The following PCDH15 variants were observed in gnomAD, a reference collection of about 807,000 sequenced individuals.
PCDH15 encodes the protein protocadherin related 15.
A neutral mutation model predicts 178.5 loss-of-function variants in PCDH15; 129 were observed. That is an observed-to-expected ratio of 0.72 (90% CI 0.63 to 0.84). The LOEUF (loss-of-function observed/expected upper bound fraction) is 0.84. Among genes scored for constraint, PCDH15 ranks in the 40% least tolerant of loss-of-function variants. The pLI is 0.00. For missense variants in PCDH15, 2,230 were observed against 2,099.9 expected, an observed-to-expected ratio of 1.06 and a Z score of -1.21; for synonymous variants, 800 against 732.0, an observed-to-expected ratio of 1.09 and a Z score of -1.50.
intron 1 of PCDH15, among the ~76,000 whole-genome samples, chr10:55,293,414 C>G (rs1433899108): frequency 2.0e-5 from 3 of 152,234 alleles, no homozygotes; most frequent in Non-Finnish European, 4.4e-5. Flanking sequence ...ACATTCAACT[C>G]CGTCTTACTT....
At chr10:54,691,064 A>G (rs1272706193) in intron 1 of PCDH15, among the ~76,000 whole-genome samples, 4 of 152,174 alleles carry the variant, frequency 2.6e-5, no homozygotes, top group African/African-American at 7.2e-5. Context: ...AGAGGAAAAT[A>G]TGTTTTAATT....
chr10:54,210,577 T>C (rs915509440), intron 10 of PCDH15, among the ~76,000 whole-genome samples: 3 of 152,062 alleles, frequency 2.0e-5, no homozygotes, highest in Non-Finnish European at 4.4e-5. Context: ...GTCTTCTTAG[T>C]TAAAAACTGA....
At chr10:55,016,871 T>C (rs1293940859) in intron 2 of PCDH15, among the ~76,000 whole-genome samples, 1 of 152,138 alleles carries the variant, frequency 6.6e-6, no homozygotes, top group Non-Finnish European at 1.5e-5. Flanking sequence ...ATAAACTCCT[T>C]CTAATCATAT....
chr10:53,890,161 C>T (rs904457287), intron 26 of PCDH15, among the ~76,000 whole-genome samples: 2 of 152,242 alleles, frequency 1.3e-5, no homozygotes, highest in African/African-American at 4.8e-5. Flanking sequence ...GGCACAGTGG[C>T]TCATGCCTGT....
rs1183153628 is a variant in PCDH15 at position 54,752,517 on chromosome 10, C to CAAAAAA, written c.-29+48407_-29+48408insTTTTTT. Among the ~76,000 whole-genome samples the CAAAAAA allele has an allele frequency of 4.7e-5, 4 of 85,624 alleles. No individual in the cohort carries two copies. The South Asian group carries it at 1.1e-3, about 25-fold the overall frequency. 56.2% of individuals were successfully genotyped at this position (85,624 alleles called of 152,430 possible). The stretch of plus-strand genomic sequence containing the variant: ...CAAAAAACAAAAAACAAAAAACAAA[C>CAAAAAA]AAACAAACAAACAAAAAAAAACAAT... On this transcript the variant is annotated intron_variant, in intron 1 of 37. Transcript: ENST00000644397.
At chr10:54,846,198 T>C (rs1840337) in intron 3 of PCDH15, among the ~76,000 whole-genome samples, 151,673 of 152,226 alleles carry the variant, frequency 1, 75,565 homozygotes, top group Middle Eastern at 1. Context: ...GAAAATAATG[T>C]TTCAATGTAA....
intron 26 of PCDH15, among the ~76,000 whole-genome samples, chr10:53,867,201 A>C (rs562331465): frequency 6.6e-6 from 1 of 151,966 alleles, no homozygotes; most frequent in African/African-American, 2.4e-5. Context: ...TTATGAGATC[A>C]CCTTTTTTTT....
intron 2 of PCDH15, among the ~76,000 whole-genome samples, chr10:55,498,755 TCC>T (rs1454485742): frequency 2.0e-5 from 3 of 151,796 alleles, no homozygotes; most frequent in Non-Finnish European, 4.4e-5. Context: ...TAAAATAGCC[TCC>T]CAAACTCCTA....
chr10:54,216,239 T>A (rs947233332), intron 9 of PCDH15, among the ~76,000 whole-genome samples: 2 of 151,934 alleles, frequency 1.3e-5, no homozygotes, highest in Non-Finnish European at 2.9e-5. Flanking sequence ...GCAGATCATC[T>A]GAGGTTAGGA....
intron 33 of PCDH15, among the ~76,000 whole-genome samples, chr10:53,819,601 C>A (rs2076183799): frequency 6.6e-6 from 1 of 151,858 alleles, no homozygotes; most frequent in South Asian, 2.1e-4. Context: ...ACAATAAGGA[C>A]AAATGTTTGG....
At chr10:54,753,985 TTTATTA>T (rs1946712194) in intron 1 of PCDH15, among the ~76,000 whole-genome samples, 3 of 125,152 alleles carry the variant, frequency 2.4e-5, no homozygotes, top group African/African-American at 8.7e-5. Context: ...ATTTTTTTTT[TTTATTA>T]TTATTATTTT....
chr10:55,159,230 G>A (rs1439884266), intron 2 of PCDH15, among the ~76,000 whole-genome samples: 1 of 151,484 alleles, frequency 6.6e-6, no homozygotes, highest in African/African-American at 2.4e-5. Context: ...CTGCTAATAT[G>A]GTTTCAAATG....
intron 2 of PCDH15, among the ~76,000 whole-genome samples, chr10:55,327,945 C>T (rs1164527143): frequency 6.6e-6 from 1 of 151,994 alleles, no homozygotes; most frequent in African/African-American, 2.4e-5. Context: ...GGATACAAAA[C>T]ATATGATTAC....
intron 1 of PCDH15, among the ~76,000 whole-genome samples, chr10:55,265,350 A>ATAT (rs1842261390): frequency 6.7e-6 from 1 of 149,806 alleles, no homozygotes; most frequent in African/African-American, 2.5e-5. Flanking sequence ...ATATCTCTAT[A>ATAT]ATAGATATAG....
chr10:55,402,418 T>C (rs537300399), intron 2 of PCDH15, among the ~76,000 whole-genome samples: 24 of 152,140 alleles, frequency 1.6e-4, no homozygotes, highest in Middle Eastern at 3.4e-3. Flanking sequence ...CAATATGTTG[T>C]TTTCAACTGT....
intron 28 of PCDH15, among the ~76,000 whole-genome samples, chr10:53,855,702 T>C: frequency 6.6e-6 from 1 of 151,486 alleles, no homozygotes; most frequent in African/African-American, 2.4e-5. Context: ...AAGAGGCAAA[T>C]TGACAGTGAC....
intron 2 of PCDH15, among the ~76,000 whole-genome samples, chr10:54,657,266 G>T (rs989646804): frequency 6.6e-6 from 1 of 152,146 alleles, no homozygotes; most frequent in Non-Finnish European, 1.5e-5. Context: ...TCACATTCCT[G>T]TCTGCCCAGG....
intron 14 of PCDH15, among the ~76,000 whole-genome samples, chr10:54,141,827 G>C (rs2043438763): frequency 6.6e-6 from 1 of 152,166 alleles, no homozygotes; most frequent in Non-Finnish European, 1.5e-5. Flanking sequence ...TACTTAATCA[G>C]TTGTAAGTAC....
chr10:55,088,191 C>A (rs1436969576), intron 2 of PCDH15, among the ~76,000 whole-genome samples: 1 of 151,880 alleles, frequency 6.6e-6, no homozygotes, highest in Non-Finnish European at 1.5e-5. Flanking sequence ...ATAGGCTATT[C>A]CAGGTCACCT....
Sources: gnomAD v4.1 joint callset for allele counts (sites outside exome capture counted in the v4.1 genomes callset) on GRCh38, gnomAD v4.1.1 for gene constraint, MANE v1.5 for transcripts, NCBI Gene and HGNC (gene_info 2026-07-23, HGNC 2026-07-21) for gene names.